SHLD1: variants seen among roughly 807,000 people sequenced by gnomAD.
SHLD1 encodes the protein shieldin complex subunit 1.
SHLD1 carries 3 observed loss-of-function variants against 5.5 expected under a neutral mutation model. That is an observed-to-expected ratio of 0.54 (90% confidence interval 0.25 to 1.40). The LOEUF (loss-of-function observed/expected upper bound fraction) is 1.40. SHLD1 is among the 40% of genes most tolerant of loss of function. The probability of loss-of-function intolerance (pLI) is 0.15; values close to 1 mark genes in which losing one functional copy is unlikely to be tolerated. For synonymous variants in SHLD1, 92 were observed against 94.3 expected (o/e 0.98, Z 0.14); for missense variants, 210 against 244.4 (o/e 0.86, Z 0.94).
intron 2 of SHLD1, among the ~76,000 whole-genome samples, chr20:5,845,802 A>G (rs998693564): frequency 1.3e-5 from 2 of 152,140 alleles, no homozygotes; most frequent in Admixed American, 1.3e-4. Flanking sequence ...GAGGACATTC[A>G]TAAGAAGCTT....
At chr20:5,777,717 G>A (rs1985496604) in intron 2 of SHLD1, among the ~76,000 whole-genome samples, 1 of 151,670 alleles carries the variant, frequency 6.6e-6, no homozygotes, top group Non-Finnish European at 1.5e-5. Flanking sequence ...ACAGGCATGA[G>A]CCACCACACC....
chr20:5,825,005 A>C (rs1390882399), intron 2 of SHLD1, among the ~76,000 whole-genome samples: 2 of 152,090 alleles, frequency 1.3e-5, no homozygotes, highest in Non-Finnish European at 2.9e-5. Flanking sequence ...GAGAAGATGT[A>C]CTCCTTTATT....
rs144897306 is a variant in SHLD1 at position 5,863,706 on chromosome 20, G to C, written c.*243G>C. ...CAAGGCCGCTGACTGACTGGGCTAC[G>C]AGTCAAAAGCCCAGCTCCCTTGCCT... On this transcript the variant is annotated 3_prime_UTR_variant, in exon 3 of 3. Transcript: ENST00000303142. 1.5e-3 allele frequency: 689 copies of C among 468,422 alleles called. 2 individuals carry two copies. Among genetic ancestry groups the C allele is most frequent in the African/African-American group, 9.0e-3 (456 of 50,772 alleles). The allele number at this position is 468,422 out of a possible 1,614,324, so 29.0% of individuals were successfully genotyped here.
At chr20:5,772,802 A>T in intron 1 of SHLD1, 60 bp from the exon 2 acceptor site, 6 of 1,417,942 alleles carry the variant, frequency 4.2e-6, no homozygotes. Context: ...TCTGTCTCCA[A>T]TGAAGGATCC....
At chr20:5,751,210 C>T (rs900503516) in intron 1 of SHLD1, among the ~76,000 whole-genome samples, 3 of 152,158 alleles carry the variant, frequency 2.0e-5, no homozygotes, top group African/African-American at 7.2e-5. Flanking sequence ...CTTGCCAATT[C>T]GCACGTTTGA....
intron 2 of SHLD1, among the ~76,000 whole-genome samples, chr20:5,784,363 C>T (rs1210945570): frequency 1.3e-5 from 2 of 151,962 alleles, no homozygotes; most frequent in East Asian, 3.9e-4. Context: ...CTATAACTTT[C>T]GATATGTACT....
intron 2 of SHLD1, among the ~76,000 whole-genome samples, chr20:5,796,879 GCAGTTTTACAGTCTA>G (rs1012508472): frequency 2.6e-4 from 40 of 151,214 alleles, no homozygotes; most frequent in African/African-American, 9.2e-4. Context: ...ATAATTGGCT[GCAGTTTTACAGTCTA>G]CAGTTTTAGA....
At chr20:5,857,066 C>CT (rs1412137586) in intron 2 of SHLD1, among the ~76,000 whole-genome samples, 1 of 152,154 alleles carries the variant, frequency 6.6e-6, no homozygotes, top group African/African-American at 2.4e-5. Flanking sequence ...ACTGCAACCT[C>CT]TGCCTCCCGG....
intron 2 of SHLD1, among the ~76,000 whole-genome samples, chr20:5,797,442 G>A (rs2087229078): frequency 6.6e-6 from 1 of 152,082 alleles, no homozygotes; most frequent in Non-Finnish European, 1.5e-5. Context: ...AGTGCCTGTA[G>A]TCCCAGCTAC....
chr20:5,752,415 AAGAG>A (rs1225645450), intron 1 of SHLD1, among the ~76,000 whole-genome samples: 36 of 151,540 alleles, frequency 2.4e-4, no homozygotes, highest in African/African-American at 7.8e-4. Context: ...AAAAACAAAA[AAGAG>A]AGAATAGATG....
chr20:5,841,278 G>A (rs2087856809), intron 2 of SHLD1, among the ~76,000 whole-genome samples: 1 of 151,992 alleles, frequency 6.6e-6, no homozygotes, highest in Non-Finnish European at 1.5e-5. Context: ...TAAATCTTAT[G>A]TGTTACAGTT....
At chr20:5,800,315 A>C (rs1394494224) in intron 2 of SHLD1, among the ~76,000 whole-genome samples, 1 of 152,242 alleles carries the variant, frequency 6.6e-6, no homozygotes, top group Non-Finnish European at 1.5e-5. Flanking sequence ...TCCTATAAAA[A>C]ACTTTTCTAT....
At chr20:5,804,176 T>C (rs1402748707) in intron 2 of SHLD1, among the ~76,000 whole-genome samples, 4 of 151,854 alleles carry the variant, frequency 2.6e-5, no homozygotes, top group African/African-American at 7.3e-5. Context: ...TAGCTGGGCG[T>C]GGTGGCACAT....
Position 5,817,426 on chromosome 20 carries a change from C to G in SHLD1, c.178+44383C>G, listed in dbSNP as rs557149356. On this transcript the variant is annotated intron_variant, in intron 2 of 2. Coordinates refer to ENST00000303142, the MANE Select transcript of SHLD1 (RefSeq NM_152504.4). ...TCTCTCTCTCTCTCTCTCTCTCTCT[C>G]TCTCTCTGTGTGTGTGTGTGTGTGT... Among the ~76,000 whole-genome samples, 896 of 126,782 alleles carry G rather than the reference C, an allele frequency of 7.1e-3. 3 individuals carry two copies. The highest frequency in any genetic ancestry group is 8.7e-3 in the Non-Finnish European group (548 of 62,778). 83.2% of individuals were successfully genotyped at this position (126,782 alleles called of 152,430 possible).
intron 2 of SHLD1, among the ~76,000 whole-genome samples, chr20:5,778,959 T>C (rs1278927929): frequency 6.6e-6 from 1 of 151,910 alleles, no homozygotes; most frequent in African/African-American, 2.4e-5. Context: ...TCCCAGCACT[T>C]TGGGAGGGCG....
intron 2 of SHLD1, among the ~76,000 whole-genome samples, chr20:5,860,494 A>G (rs1161963965): frequency 6.6e-6 from 1 of 152,226 alleles, no homozygotes; most frequent in East Asian, 1.9e-4. Context: ...AGAAATTAAC[A>G]GTGATGCATT....
intron 2 of SHLD1, among the ~76,000 whole-genome samples, chr20:5,809,902 G>A (rs1402622387): frequency 6.6e-6 from 1 of 151,982 alleles, no homozygotes; most frequent in Non-Finnish European, 1.5e-5. Context: ...ACATACTGAG[G>A]TCTCATTGTT....
At position 5,776,587 on chromosome 20, in the gene SHLD1, AC is replaced by A. The variant is rs201639928; in HGVS notation, c.178+3547del. ...AGACCAGCCTGGCCAACATGGTAAA[AC>A]CCTGTCTCTAATAAAAATACAAAAA... is the stretch of plus-strand genomic sequence containing the variant. On this transcript the variant is annotated intron_variant, in intron 2 of 2. Coordinates refer to ENST00000303142, the MANE Select transcript of SHLD1 (RefSeq NM_152504.4). Among the ~76,000 whole-genome samples, 823 of 151,976 alleles carry A rather than the reference AC, an allele frequency of 5.4e-3. 10 individuals carry two copies. Among genetic ancestry groups the A allele is most frequent in the African/African-American group, 0.019 (779 of 41,452 alleles).
chr20:5,753,521 T>C (rs543322169), intron 1 of SHLD1, among the ~76,000 whole-genome samples: 1 of 152,274 alleles, frequency 6.6e-6, no homozygotes, highest in East Asian at 1.9e-4. Context: ...AAAAACAGCC[T>C]GAAAAATCAA....
Sources: allele counts gnomAD v4.1 joint callset (sites outside exome capture counted in the v4.1 genomes callset), GRCh38; gene constraint gnomAD v4.1.1; transcripts MANE v1.5; gene names NCBI Gene and HGNC (gene_info 2026-07-23, HGNC 2026-07-21).